Variants in NAA15 observed in about 807,000 individuals in gnomAD.
NAA15 encodes N-terminal acetyltransferase.
NAA15 carries 34 observed loss-of-function variants against 114.0 expected under a neutral mutation model. The ratio of observed to expected loss-of-function variants is 0.30; its 90% CI spans 0.23 to 0.40. NAA15 has a LOEUF of 0.40. Ranked by LOEUF, NAA15 falls within the 10% of genes least tolerant of loss-of-function variation. NAA15 has a pLI of 1.00. For synonymous variants in NAA15, 340 were observed against 338.0 expected, an observed-to-expected ratio of 1.01 and a Z score of -0.06; for missense variants, 658 against 1,004.5, an observed-to-expected ratio of 0.66 and a Z score of 4.66.
intron 17 of NAA15, among the ~76,000 whole-genome samples, chr4:139,381,008 A>G (rs977050370): frequency 6.6e-6 from 1 of 152,180 alleles, no homozygotes; most frequent in Admixed American, 6.5e-5. Context: ...ACCCTCACAG[A>G]CACCTTTCTG....
intron 15 of NAA15, 70 bp downstream of exon 15, chr4:139,370,474 C>T: frequency 2.1e-6 from 3 of 1,440,026 alleles, no homozygotes; most frequent in South Asian, 1.7e-5. Context: ...TTTATACTGT[C>T]TTATTTGACA....
rs756920845 is a variant in NAA15 at position 139,388,135 on chromosome 4, A to G, written c.*51A>G. The G allele has an allele frequency of 8.5e-6, 13 of 1,529,302 alleles. No homozygotes were observed. In the South Asian group the frequency reaches 1.5e-4, roughly 18 times the overall value. The allele number at this position is 1,529,302 out of a possible 1,614,324, so 94.7% of individuals were successfully genotyped here. ...GACTTTGGACCATATCTAGTATATA[A>G]TATTTTTGTCACGCACCTGCTGCAT... On this transcript the variant is annotated 3_prime_UTR_variant, in exon 20 of 20. Transcript: ENST00000296543.
chr4:139,328,890 A>G (rs1260294880), intron 1 of NAA15, among the ~76,000 whole-genome samples: 1 of 145,082 alleles, frequency 6.9e-6, no homozygotes, highest in Non-Finnish European at 1.5e-5. Flanking sequence ...CCTCAGACAG[A>G]GTCTTGCTCT....
At chr4:139,368,131 A>G (rs13117654) in intron 14 of NAA15, among the ~76,000 whole-genome samples, 42,197 of 152,126 alleles carry the variant, frequency 0.28, 6,199 homozygotes, top group African/African-American at 0.37. Context: ...ACCAAAATCT[A>G]TGTTGTTTAT....
At chr4:139,346,923 G>C (rs1177977912) in intron 6 of NAA15, among the ~76,000 whole-genome samples, 1 of 152,074 alleles carries the variant, frequency 6.6e-6, no homozygotes, top group African/African-American at 2.4e-5. Flanking sequence ...AGTGTAGAGG[G>C]GAGTAAAGGT....
intron 1 of NAA15, among the ~76,000 whole-genome samples, chr4:139,324,205 C>T (rs1267991997): frequency 2.6e-5 from 4 of 152,176 alleles, no homozygotes; most frequent in Non-Finnish European, 5.9e-5. Context: ...TGGTTTGCTT[C>T]TTTGCTTCAT....
intron 9 of NAA15, among the ~76,000 whole-genome samples, chr4:139,352,301 G>A (rs1747803371): frequency 6.6e-6 from 1 of 151,960 alleles, no homozygotes; most frequent in Non-Finnish European, 1.5e-5. Context: ...TAGAGACAGG[G>A]TTTCACCGTG....
intron 11 of NAA15, 147 bp from the exon 12 acceptor site, chr4:139,359,596 G>A (rs956009074): frequency 2.9e-5 from 19 of 652,276 alleles, no homozygotes; most frequent in Non-Finnish European, 4.5e-5. Context: ...ATGGAAGAAT[G>A]CATTTCTTTA....
Position 139,301,721 on chromosome 4 carries a change from G to C in NAA15, c.-57G>C. 2.0e-6 allele frequency: 3 copies of C among 1,525,052 alleles called. No homozygotes were observed. Among genetic ancestry groups the C allele is most frequent in the Middle Eastern group, 1.7e-4 (1 of 5,894 alleles). The allele number at this position is 1,525,052 out of a possible 1,614,324, so 94.5% of individuals were successfully genotyped here. A position where few individuals can be genotyped will look rare whatever the true frequency, so the allele number is the denominator to read the frequency against. ...CTACGGAACGGCAGCGGCGGCGGTC[G>C]GACAAACTGACTGACCGAGCCGGGT... On this transcript the variant is annotated 5_prime_UTR_variant, in exon 1 of 20. Transcript: ENST00000296543.
intron 1 of NAA15, among the ~76,000 whole-genome samples, chr4:139,325,687 C>G (rs540168834): frequency 6.6e-6 from 1 of 152,174 alleles, no homozygotes; most frequent in South Asian, 2.1e-4. Context: ...TTTGTTCTGT[C>G]GCTCAGGTTG....
intron 1 of NAA15, among the ~76,000 whole-genome samples, chr4:139,332,737 AG>A (rs2110892409): frequency 6.6e-6 from 1 of 151,660 alleles, no homozygotes; most frequent in Admixed American, 6.6e-5. Context: ...TGGCGCCAGC[AG>A]GCCTGGCTAA....
At chr4:139,325,526 A>T (rs1186020594) in intron 1 of NAA15, among the ~76,000 whole-genome samples, 1 of 152,250 alleles carries the variant, frequency 6.6e-6, no homozygotes, top group African/African-American at 2.4e-5. Flanking sequence ...TTTGAAAAAC[A>T]TACGATAAAC....
At chr4:139,334,117 A>G in intron 1 of NAA15, 57 bp from the exon 2 acceptor site, 1 of 1,077,998 alleles carries the variant, frequency 9.3e-7, no homozygotes, top group Non-Finnish European at 1.4e-6. Context: ...TTAGCGTTGA[A>G]TTTAAAGTTG....
chr4:139,335,948 G>A (rs1018083539), intron 2 of NAA15, among the ~76,000 whole-genome samples: 8 of 151,732 alleles, frequency 5.3e-5, no homozygotes, highest in Non-Finnish European at 8.8e-5. Context: ...TAGTAGAGAC[G>A]GGGGTTCACC....
At chr4:139,319,691 C>T (rs1746535209) in intron 1 of NAA15, among the ~76,000 whole-genome samples, 1 of 152,146 alleles carries the variant, frequency 6.6e-6, no homozygotes, top group South Asian at 2.1e-4. Context: ...CCTTGGCCTC[C>T]CAAAGTGCTG....
rs1245878611 is a variant in NAA15, at chr4:139,360,333, A to C, written c.1411-167A>C. Among the ~76,000 whole-genome samples the C allele has an allele frequency of 2.6e-5, 4 of 152,154 alleles. No individual in the cohort carries two copies. The South Asian group carries it at 8.3e-4, about 31-fold the overall frequency. On this transcript the variant is annotated intron_variant, in intron 12 of 19. Transcript: ENST00000296543. ...TGTGAAACTACAAATTATTTTTAGT[A>C]GTTAGAGAATATCAGTTGTTTTCCC...
chr4:139,362,325 T>C (rs1431147742), intron 14 of NAA15, among the ~76,000 whole-genome samples: 1 of 152,204 alleles, frequency 6.6e-6, no homozygotes, highest in Non-Finnish European at 1.5e-5. Context: ...CTGTTTCCCA[T>C]GCTGGAGTGC....
intron 10 of NAA15, among the ~76,000 whole-genome samples, chr4:139,356,302 C>T (rs1747945484): frequency 6.6e-6 from 1 of 152,120 alleles, no homozygotes; most frequent in Non-Finnish European, 1.5e-5. Context: ...TTATTGCTGC[C>T]ACTGCAGATC....
At position 139,384,909 on chromosome 4, in the gene NAA15, A is replaced by G. The variant is rs745758291; in HGVS notation, c.2233A>G (p.Thr745Ala). ...AGAAATGAATCGTCTTTTTGGAGCA[A>G]CGAATCCAAAGAATTTTAATGAAAC... ...KQEMNRLFGA[T>A]NPKNFNETFL... is the part of the protein sequence containing the mutation. The change falls in exon 18 of 20, where the codon ACG (threonine) becomes GCG (alanine). Residue 745 changes from threonine to alanine, a missense_variant. Transcript: ENST00000296543. 1 of 1,566,746 alleles carries G rather than the reference A, an allele frequency of 6.4e-7. No homozygotes were observed. Among genetic ancestry groups the G allele is most frequent in the Admixed American group, 1.8e-5 (1 of 54,354 alleles).
Sources: gnomAD v4.1 joint callset for allele counts (sites outside exome capture counted in the v4.1 genomes callset) on GRCh38, gnomAD v4.1.1 for gene constraint, MANE v1.5 for transcripts, NCBI Gene and HGNC (gene_info 2026-07-23, HGNC 2026-07-21) for gene names.